SORCS1: variants seen among roughly 807,000 people sequenced by gnomAD.
The protein encoded by SORCS1 is sortilin related VPS10 domain containing receptor 1, also known as VPS10 domain-containing receptor SorCS1.
In SORCS1, 60 loss-of-function variants were observed where a neutral mutation model predicts 146.1. That is an observed-to-expected ratio of 0.41 (90% CI 0.33 to 0.51). SORCS1 has a LOEUF of 0.51. Among genes scored for constraint, SORCS1 ranks in the 20% least tolerant of loss-of-function variants. The pLI is 0.21. For missense variants in SORCS1, 1,352 were observed against 1,487.6 expected, an observed-to-expected ratio of 0.91 and a Z score of 1.50; for synonymous variants, 637 against 584.0, an observed-to-expected ratio of 1.09 and a Z score of -1.31.
At chr10:106,688,068 C>A (rs1420828346) in intron 10 of SORCS1, 124 bp downstream of exon 10, 1 of 1,367,814 alleles carries the variant, frequency 7.3e-7, no homozygotes, top group Admixed American at 2.5e-5. Context: ...TGCCTTCACG[C>A]CCTTCCCCAC....
At chr10:106,912,088 G>A (rs1157974913) in intron 2 of SORCS1, among the ~76,000 whole-genome samples, 1 of 145,044 alleles carries the variant, frequency 6.9e-6, no homozygotes, top group Non-Finnish European at 1.5e-5. Context: ...ACTCCAGCCT[G>A]AGCGACAGAT....
In SORCS1 at chr10:107,163,979, T is replaced by C. The variant is rs776015562; in HGVS notation, c.548A>G (p.His183Arg). Residue 183 changes from histidine to arginine, a missense_variant, in exon 1 of 26, where the codon CAC becomes CGC. By Grantham distance (29) the His-to-Arg change is conservative. Around this residue, in one of 3 missense-constraint regions of SORCS1, gnomAD observed 490 missense variants for 489.1 expected, o/e 1.00. Transcript: ENST00000263054. Reference protein sequence around the residue: ...HNQAMVHWSGHNSSVILILTK... With the variant: ...HNQAMVHWSGRNSSVILILTK... ...TCCCATTCTACTCACGCTGCTGTTGTGGCCAGACCAGTGGACCATGGCTTG... is the reference window on the plus strand; with the variant it reads ...TCCCATTCTACTCACGCTGCTGTTGCGGCCAGACCAGTGGACCATGGCTTG... The C allele has an allele frequency of 1.7e-5, 27 of 1,612,884 alleles. No homozygotes were observed. The highest frequency in any genetic ancestry group is 2.1e-5 in the Non-Finnish European group (25 of 1,179,230).
At chr10:107,152,008 A>G (rs1968840050) in intron 1 of SORCS1, among the ~76,000 whole-genome samples, 1 of 152,186 alleles carries the variant, frequency 6.6e-6, no homozygotes, top group Non-Finnish European at 1.5e-5. Flanking sequence ...AAAATGCTTT[A>G]GTGGACCAGG....
chr10:106,872,075 G>T (rs995151253), intron 2 of SORCS1, among the ~76,000 whole-genome samples: 2 of 152,150 alleles, frequency 1.3e-5, no homozygotes, highest in African/African-American at 4.8e-5. Context: ...AGTGGAAATA[G>T]AGTATGAACA....
At chr10:106,704,989 G>A (rs963371800) in intron 8 of SORCS1, among the ~76,000 whole-genome samples, 1 of 152,112 alleles carries the variant, frequency 6.6e-6, no homozygotes. Context: ...ACCTTCCTAA[G>A]AGATTATCAG....
At chr10:106,912,757 C>A (rs1208334355) in intron 2 of SORCS1, among the ~76,000 whole-genome samples, 1 of 152,160 alleles carries the variant, frequency 6.6e-6, no homozygotes, top group African/African-American at 2.4e-5. Flanking sequence ...CAGCTCACTG[C>A]AACCTCCACC....
chr10:106,661,868 G>A (rs1850755917), intron 17 of SORCS1, among the ~76,000 whole-genome samples: 1 of 152,202 alleles, frequency 6.6e-6, no homozygotes, highest in Non-Finnish European at 1.5e-5. Flanking sequence ...CAGCCTCCTT[G>A]CTTTCCACCT....
chr10:106,889,777 C>T (rs1039272076), intron 2 of SORCS1, among the ~76,000 whole-genome samples: 10 of 150,928 alleles, frequency 6.6e-5, no homozygotes, highest in African/African-American at 2.4e-4. Flanking sequence ...CCCAGCTACT[C>T]GGGAGGCTGA....
intron 1 of SORCS1, among the ~76,000 whole-genome samples, chr10:107,010,859 T>C (rs1957668846): frequency 6.6e-6 from 1 of 152,192 alleles, no homozygotes; most frequent in Non-Finnish European, 1.5e-5. Flanking sequence ...GTCTTGCAGA[T>C]AATTTCAGTT....
chr10:106,893,188 C>A (rs1951306225), intron 2 of SORCS1, among the ~76,000 whole-genome samples: 1 of 152,130 alleles, frequency 6.6e-6, no homozygotes. Flanking sequence ...CAGGCGTGAG[C>A]CACCGTGGCC....
At chr10:106,788,688 CT>C (rs909339258) in intron 3 of SORCS1, among the ~76,000 whole-genome samples, 1 of 152,214 alleles carries the variant, frequency 6.6e-6, no homozygotes, top group African/African-American at 2.4e-5. Flanking sequence ...AGCTCTCCCC[CT>C]GTGGCTTTGC....
intron 24 of SORCS1, among the ~76,000 whole-genome samples, chr10:106,582,030 A>T (rs1297900691): frequency 6.6e-6 from 1 of 152,170 alleles, no homozygotes; most frequent in East Asian, 1.9e-4. Flanking sequence ...AGCTTGCTTG[A>T]AAAGGTTGGC....
intron 2 of SORCS1, among the ~76,000 whole-genome samples, chr10:106,918,337 A>AT (rs965308483): frequency 3.3e-5 from 5 of 151,378 alleles, no homozygotes; most frequent in Admixed American, 6.6e-5. Context: ...ATTTTTTTGT[A>AT]TTTTTTTAGT....
chr10:106,687,542 G>A (rs552113745), intron 10 of SORCS1, among the ~76,000 whole-genome samples: 2 of 152,176 alleles, frequency 1.3e-5, no homozygotes, highest in Admixed American at 6.5e-5. Context: ...GAAAGCAGCC[G>A]TCAACAATAC....
chr10:106,799,342 A>G (rs527472764), intron 3 of SORCS1, among the ~76,000 whole-genome samples: 162 of 152,344 alleles, frequency 1.1e-3, no homozygotes, highest in African/African-American at 3.8e-3. Flanking sequence ...TGTCTAAAAC[A>G]CCAAAAGCAA....
At chr10:106,954,982 G>C (rs60396985) in intron 2 of SORCS1, among the ~76,000 whole-genome samples, 3,444 of 152,344 alleles carry the variant, frequency 0.023, 98 homozygotes, top group South Asian at 0.11. Context: ...CCTGTCCTCT[G>C]TTGGCGCCAG....
At chr10:106,775,500 T>C (rs920767693) in intron 4 of SORCS1, among the ~76,000 whole-genome samples, 2 of 152,238 alleles carry the variant, frequency 1.3e-5, no homozygotes, top group Non-Finnish European at 2.9e-5. Flanking sequence ...CTCCTGTCAG[T>C]AGAGACCTTG....
chr10:106,922,371 G>A (rs1011628208), intron 2 of SORCS1, among the ~76,000 whole-genome samples: 12 of 152,164 alleles, frequency 7.9e-5, no homozygotes, highest in Non-Finnish European at 1.6e-4. Context: ...CTGGCACCTG[G>A]ATAGATCTTC....
At chr10:106,966,684 CTT>C in intron 1 of SORCS1, among the ~76,000 whole-genome samples, 1 of 152,262 alleles carries the variant, frequency 6.6e-6, no homozygotes, top group East Asian at 1.9e-4. Flanking sequence ...GAGCAAAAAA[CTT>C]TTTGTAAATT....
Sources: allele counts gnomAD v4.1 joint callset (sites outside exome capture counted in the v4.1 genomes callset), GRCh38; gene constraint gnomAD v4.1.1; regional missense constraint gnomAD v4.1.1; transcripts MANE v1.5; gene names NCBI Gene and HGNC (gene_info 2026-07-23, HGNC 2026-07-21).